HSD17B12: variants seen among roughly 807,000 people sequenced by gnomAD.
The protein encoded by HSD17B12 is very-long-chain 3-oxoacyl-CoA reductase.
A neutral mutation model predicts 39.3 loss-of-function variants in HSD17B12; 32 were observed. The observed-to-expected ratio is 0.81, with a 90% CI of 0.61 to 1.09. The LOEUF is 1.09. Ranked by LOEUF, HSD17B12 falls within the 50% of genes least tolerant of loss-of-function variation. The probability of loss-of-function intolerance (pLI) is 0.00; values close to 1 mark genes in which losing one functional copy is unlikely to be tolerated. For synonymous variants in HSD17B12, 150 were observed against 146.7 expected (o/e 1.02, Z -0.16); for missense variants, 342 against 382.9 (o/e 0.89, Z 0.89).
chr11:43,787,768 A>G (rs930363340), intron 3 of HSD17B12, among the ~76,000 whole-genome samples: 9 of 151,914 alleles, frequency 5.9e-5, no homozygotes, highest in African/African-American at 1.9e-4. Flanking sequence ...TAATAATAGT[A>G]AAGTAAATAC....
At chr11:43,595,935 G>T in the HSD17B12 span, among the ~76,000 whole-genome samples, 1 of 152,182 alleles carries the variant, frequency 6.6e-6, no homozygotes, top group Non-Finnish European at 1.5e-5. Flanking sequence ...CCTGAAGAAT[G>T]AGTTCATTCT....
At chr11:43,787,746 A>AT (rs1180408501) in intron 3 of HSD17B12, among the ~76,000 whole-genome samples, 1 of 151,506 alleles carries the variant, frequency 6.6e-6, no homozygotes, top group East Asian at 1.9e-4. Flanking sequence ...CGGAAAAAAA[A>AT]AAAAATAATA....
the HSD17B12 span, among the ~76,000 whole-genome samples, chr11:43,564,326 A>G: frequency 4.6e-5 from 7 of 152,204 alleles, no homozygotes; most frequent in African/African-American, 1.7e-4. Flanking sequence ...GAGGATTCCA[A>G]TTCACTACAA....
the HSD17B12 span, among the ~76,000 whole-genome samples, chr11:43,601,886 C>A: frequency 6.6e-6 from 1 of 152,220 alleles, no homozygotes; most frequent in Non-Finnish European, 1.5e-5. Context: ...CTTGACTTAT[C>A]ACCAGAGCTT....
intron 3 of HSD17B12, among the ~76,000 whole-genome samples, chr11:43,754,508 G>A (rs1950492726): frequency 1.3e-5 from 2 of 152,166 alleles, no homozygotes; most frequent in African/African-American, 4.8e-5. Context: ...CCTGGGTGGT[G>A]GAAGTTGCAG....
chr11:43,566,236 T>C, the HSD17B12 span, among the ~76,000 whole-genome samples: 1 of 152,204 alleles, frequency 6.6e-6, no homozygotes, highest in Admixed American at 6.5e-5. Flanking sequence ...ATGGGGCTCA[T>C]TAAATATTAG....
chr11:43,697,609 A>G (rs893967915), intron 1 of HSD17B12, among the ~76,000 whole-genome samples: 5 of 152,202 alleles, frequency 3.3e-5, no homozygotes, highest in African/African-American at 9.7e-5. Flanking sequence ...TGTCTCCTCA[A>G]TTTCCTCTCT....
intron 3 of HSD17B12, among the ~76,000 whole-genome samples, chr11:43,769,696 G>A (rs919829443): frequency 6.6e-6 from 1 of 152,200 alleles, no homozygotes; most frequent in African/African-American, 2.4e-5. Flanking sequence ...GAAATAGAAT[G>A]GAGGATGCTG....
At chr11:43,801,864 A>T (rs1950972763) in intron 4 of HSD17B12, among the ~76,000 whole-genome samples, 1 of 152,194 alleles carries the variant, frequency 6.6e-6, no homozygotes, top group African/African-American at 2.4e-5. Context: ...GAAGTGGGGG[A>T]TAGTTTTCTG....
At chr11:43,633,841 G>A in the HSD17B12 span, among the ~76,000 whole-genome samples, 1 of 151,734 alleles carries the variant, frequency 6.6e-6, no homozygotes, top group South Asian at 2.1e-4. Context: ...TTGTGAGGCC[G>A]AAGTGGGTGT....
intron 1 of HSD17B12, among the ~76,000 whole-genome samples, chr11:43,694,773 T>C (rs1949894446): frequency 6.6e-6 from 1 of 152,146 alleles, no homozygotes; most frequent in African/African-American, 2.4e-5. Context: ...TCCAGTGTGC[T>C]CATTAACGTT....
At chr11:43,787,705 C>A (rs1262666775) in intron 3 of HSD17B12, among the ~76,000 whole-genome samples, 1 of 150,662 alleles carries the variant, frequency 6.6e-6, no homozygotes. Context: ...CCACTGCACT[C>A]CAGTCTGGGT....
chr11:43,596,066 T>C, the HSD17B12 span, among the ~76,000 whole-genome samples: 1 of 152,164 alleles, frequency 6.6e-6, no homozygotes, highest in African/African-American at 2.4e-5. Context: ...TTTTGATTTG[T>C]TTTTTATAGG....
chr11:43,681,287 C>A, intron 1 of HSD17B12: 1 of 452,408 alleles, frequency 2.2e-6, no homozygotes, highest in Non-Finnish European at 3.3e-6. Context: ...TAAGCCATTC[C>A]GTGTTCATGG....
intron 1 of HSD17B12, among the ~76,000 whole-genome samples, chr11:43,730,535 G>T (rs1036680971): frequency 6.6e-6 from 1 of 152,170 alleles, no homozygotes; most frequent in African/African-American, 2.4e-5. Flanking sequence ...AATTAGTTGA[G>T]AATAAATGAG....
At chr11:43,614,283 A>G in the HSD17B12 span, among the ~76,000 whole-genome samples, 1 of 152,212 alleles carries the variant, frequency 6.6e-6, no homozygotes, top group African/African-American at 2.4e-5. Context: ...AGAATTTTCA[A>G]TGACAAGTTT....
At chr11:43,841,828 T>A (rs1179048516) in intron 9 of HSD17B12, among the ~76,000 whole-genome samples, 2 of 152,198 alleles carry the variant, frequency 1.3e-5, no homozygotes, top group African/African-American at 2.4e-5. Context: ...AGTATTTCAC[T>A]TTTTGTATCC....
chr11:43,824,867 G>A (rs12790591), intron 6 of HSD17B12, among the ~76,000 whole-genome samples: 1 of 151,914 alleles, frequency 6.6e-6, no homozygotes, highest in Non-Finnish European at 1.5e-5. Flanking sequence ...ATGGTGGCAC[G>A]TGCCTGTAAT....
the HSD17B12 span, among the ~76,000 whole-genome samples, chr11:43,662,838 G>A: frequency 6.6e-6 from 1 of 151,844 alleles, no homozygotes; most frequent in African/African-American, 2.4e-5. Context: ...TATCTAAATA[G>A]GGTTTGAACA....
Sources: allele counts gnomAD v4.1 joint callset (sites outside exome capture counted in the v4.1 genomes callset), GRCh38; gene constraint gnomAD v4.1.1; transcripts MANE v1.5; gene names NCBI Gene and HGNC (gene_info 2026-07-23, HGNC 2026-07-21).